The following ROCK2 variants were observed in gnomAD, a reference collection of about 807,000 sequenced individuals.
The protein encoded by ROCK2 is Rho associated coiled-coil containing protein kinase 2, also known as rho-associated protein kinase 2.
Under a neutral mutation model 195.1 loss-of-function variants are expected in ROCK2, and 61 were observed. The observed-to-expected ratio is 0.31, with a 90% CI of 0.25 to 0.39. The LOEUF (loss-of-function observed/expected upper bound fraction) is 0.39. Among genes scored for constraint, ROCK2 ranks in the 10% least tolerant of loss-of-function variants. The pLI, the probability that ROCK2 is intolerant of heterozygous loss-of-function variation, is 1.00. For missense variants in ROCK2, 1,109 were observed against 1,637.4 expected (o/e 0.68, Z 5.57); for synonymous variants, 504 against 545.5 (o/e 0.92, Z 1.06).
intron 1 of ROCK2, 34 bp downstream of exon 1, chr2:11,343,962 G>A: frequency 1.9e-6 from 3 of 1,581,086 alleles, no homozygotes; most frequent in East Asian, 2.5e-5. Flanking sequence ...GGTGTGAGCT[G>A]CAACGAGCAA....
intron 5 of ROCK2, among the ~76,000 whole-genome samples, chr2:11,230,924 C>CTTTTCAGTAAATTCAGTG (rs1664985352): frequency 1.3e-5 from 2 of 152,000 alleles, no homozygotes; most frequent in Admixed American, 6.6e-5. Context: ...AAATTCTTCT[C>CTTTTCAGTAAATTCAGTG]TTTTCAGTAA....
intron 1 of ROCK2, among the ~76,000 whole-genome samples, chr2:11,330,760 GGGA>G (rs1437509620): frequency 1.8e-5 from 2 of 108,962 alleles, no homozygotes; most frequent in Non-Finnish European, 3.9e-5. Flanking sequence ...AGGAGGAGGA[GGGA>G]GGAGGAGGAG....
intron 3 of ROCK2, among the ~76,000 whole-genome samples, chr2:11,284,361 C>T (rs767129232): frequency 2.0e-5 from 3 of 152,072 alleles, no homozygotes; most frequent in Non-Finnish European, 4.4e-5. Flanking sequence ...ATAGGATGTA[C>T]ACCACCATGA....
intron 5 of ROCK2, among the ~76,000 whole-genome samples, chr2:11,232,596 A>G (rs182087866): frequency 1.3e-5 from 2 of 152,356 alleles, no homozygotes; most frequent in Admixed American, 1.3e-4. Context: ...TTGTTCTTAA[A>G]CATTGTATAA....
chr2:11,264,943 T>C (rs1304409829), intron 3 of ROCK2, among the ~76,000 whole-genome samples: 4 of 152,316 alleles, frequency 2.6e-5, no homozygotes, highest in African/African-American at 9.6e-5. Flanking sequence ...TATGACCATA[T>C]GTCAAAGAGA....
chr2:11,216,065 T>C, intron 13 of ROCK2, 93 bp downstream of exon 13: 1 of 966,734 alleles, frequency 1.0e-6, no homozygotes, highest in Non-Finnish European at 1.7e-6. Context: ...TCAAGGCACG[T>C]ATTACTATGG....
At chr2:11,202,861 T>A (rs570980702) in intron 20 of ROCK2, among the ~76,000 whole-genome samples, 1 of 152,154 alleles carries the variant, frequency 6.6e-6, no homozygotes, top group Non-Finnish European at 1.5e-5. Context: ...TAAATCAACA[T>A]TGAATCACAC....
rs376507449 is a variant in ROCK2 at position 11,194,884 on chromosome 2, T to TTTTG, written c.3519+70_3519+71insCAAA. 4.1e-4 allele frequency: 335 copies of TTTTG among 816,986 alleles called. No individual in the cohort carries two copies. The African/African-American group carries it at 5.3e-3, about 13-fold the overall frequency. 50.6% of individuals were successfully genotyped at this position (816,986 alleles called of 1,614,324 possible). A position where few individuals can be genotyped will look rare whatever the true frequency, so the allele number is the denominator to read the frequency against. On this transcript the variant is annotated intron_variant, in intron 28 of 32. Coordinates refer to ENST00000315872, the MANE Select transcript of ROCK2 (RefSeq NM_004850.5). ...GTACCAGTCATGTATATCCTACAACTACAAAAGCCAAATGACTAGAGTTAA... is the reference window on the plus strand; with the variant it reads ...GTACCAGTCATGTATATCCTACAACTTTTGACAAAAGCCAAATGACTAGAGTTAA...
chr2:11,338,747 G>A (rs1185430978), intron 1 of ROCK2, among the ~76,000 whole-genome samples: 2 of 152,006 alleles, frequency 1.3e-5, no homozygotes, highest in Non-Finnish European at 2.9e-5. Flanking sequence ...ACATATAACA[G>A]AAGACAATTC....
intron 1 of ROCK2, among the ~76,000 whole-genome samples, chr2:11,329,119 A>G (rs541391182): frequency 1.3e-5 from 2 of 152,248 alleles, no homozygotes; most frequent in East Asian, 3.9e-4. Context: ...ATACACTTGA[A>G]ATTAAAAATT....
At chr2:11,288,632 C>T (rs1268071867) in intron 1 of ROCK2, among the ~76,000 whole-genome samples, 1 of 150,134 alleles carries the variant, frequency 6.7e-6, no homozygotes, top group Admixed American at 6.6e-5. Flanking sequence ...AATGATCAGA[C>T]TGACACCCTG....
At chr2:11,222,279 A>G (rs1002512179) in intron 7 of ROCK2, 105 bp from the exon 8 acceptor site, 27 of 640,564 alleles carry the variant, frequency 4.2e-5, no homozygotes, top group African/African-American at 4.0e-4. Flanking sequence ...TAAATTTGAG[A>G]TATTTGTATT....
intron 1 of ROCK2, chr2:11,308,636 G>A: frequency 6.9e-7 from 1 of 1,447,388 alleles, no homozygotes; most frequent in Non-Finnish European, 9.7e-7. Context: ...TCCTGTGCAA[G>A]ATACTCCTGT....
chr2:11,322,967 G>A (rs753399173), intron 1 of ROCK2, among the ~76,000 whole-genome samples: 34 of 152,130 alleles, frequency 2.2e-4, no homozygotes, highest in Non-Finnish European at 8.8e-5. Context: ...TTCACTTGCA[G>A]ACATGAAAAA....
Position 11,222,136 on chromosome 2 carries a change from C to A in ROCK2, c.1046G>T (p.Arg349Ile). Reference sequence around the variant, plus strand: ...ATCATTCTTAAAGAAAGGATGCTGTCTGATTTCTTCCACCCCATTTCTCCC... The same window carrying A: ...ATCATTCTTAAAGAAAGGATGCTGTATGATTTCTTCCACCCCATTTCTCCC... ...RLGRNGVEEIRQHPFFKNDQW... is the reference protein window; with the variant it reads ...RLGRNGVEEIIQHPFFKNDQW... The change falls in exon 8 of 33, where the codon AGA becomes ATA. Residue 349 changes from arginine to isoleucine, a missense_variant. Transcript: ENST00000315872. 6.2e-7 allele frequency: 1 copy of A among 1,611,154 alleles called. No individual in the cohort carries two copies. The highest frequency in any genetic ancestry group is 8.5e-7 in the Non-Finnish European group (1 of 1,177,854).
intron 1 of ROCK2, among the ~76,000 whole-genome samples, chr2:11,343,620 G>C (rs973032834): frequency 6.6e-6 from 1 of 152,114 alleles, no homozygotes; most frequent in Non-Finnish European, 1.5e-5. Flanking sequence ...TCCCTCGCTC[G>C]CACCAAGTCC....
At position 11,193,902 on chromosome 2, in the gene ROCK2, C is replaced by G. The variant is rs748882542; in HGVS notation, c.3609-45G>C. The G allele has an allele frequency of 3.8e-6, 4 of 1,042,982 alleles. No individual in the cohort carries two copies. The South Asian group carries it at 5.5e-5, about 14-fold the overall frequency. 64.6% of individuals were successfully genotyped at this position (1,042,982 alleles called of 1,614,324 possible). A position where few individuals can be genotyped will look rare whatever the true frequency, so the allele number is the denominator to read the frequency against. On this transcript the variant is annotated intron_variant, in intron 29 of 32. Transcript: ENST00000315872. ...AAGGAATAAAATATCACCCAAGGAT[C>G]AAATTATATATTAATTATTCTATAC...
chr2:11,296,121 G>A (rs1162948093), intron 1 of ROCK2, among the ~76,000 whole-genome samples: 1 of 150,924 alleles, frequency 6.6e-6, no homozygotes, highest in Non-Finnish European at 1.5e-5. Flanking sequence ...GCAAGATGGT[G>A]GAGGAACAAC....
chr2:11,337,454 T>C (rs1235939245), intron 1 of ROCK2, among the ~76,000 whole-genome samples: 2 of 152,022 alleles, frequency 1.3e-5, no homozygotes, highest in South Asian at 2.1e-4. Flanking sequence ...GGAAAATATA[T>C]AAATGGCCCG....
Sources: allele counts gnomAD v4.1 joint callset (sites outside exome capture counted in the v4.1 genomes callset), GRCh38; gene constraint gnomAD v4.1.1; transcripts MANE v1.5; gene names NCBI Gene and HGNC (gene_info 2026-07-23, HGNC 2026-07-21).